GLRA2: variants seen among roughly 807,000 people sequenced by gnomAD.
The protein encoded by GLRA2 is glycine receptor alpha 2.
Under a neutral mutation model 31.6 loss-of-function variants are expected in GLRA2, and 11 were observed. The observed-to-expected ratio is 0.35, with a 90% CI of 0.22 to 0.58. The LOEUF (loss-of-function observed/expected upper bound fraction) is 0.58, where lower values mean the gene tolerates loss of function less well. Ranked by LOEUF, GLRA2 falls within the 20% of genes least tolerant of loss-of-function variation. GLRA2 has a pLI of 0.84. For synonymous variants in GLRA2, 132 were observed against 134.0 expected, an observed-to-expected ratio of 0.99 and a Z score of 0.10; for missense variants, 212 against 351.8, an observed-to-expected ratio of 0.60 and a Z score of 3.18.
At chrX:14,526,902 C>T (rs2089189406), upstream of GLRA2, among the ~76,000 whole-genome samples, 1 of 111,212 alleles carries the variant, frequency 9.0e-6, no homozygotes, top group Admixed American at 9.6e-5. Flanking sequence ...GGAAATCCAA[C>T]TTTTATAGGC....
At chrX:14,726,855 C>A (rs996676830) in intron 8 of GLRA2, among the ~76,000 whole-genome samples, 15 of 112,115 alleles carry the variant, frequency 1.3e-4, no homozygotes, top group Admixed American at 2.8e-4. Context: ...CTTTCTATTT[C>A]TTTAGGGGCT....
chrX:14,548,218 C>T (rs762105305), intron 2 of GLRA2, among the ~76,000 whole-genome samples: 17 of 111,317 alleles, frequency 1.5e-4, no homozygotes, highest in Non-Finnish European at 2.6e-4. Flanking sequence ...CTTGGACAAA[C>T]ACTACCTTTC....
upstream of GLRA2, among the ~76,000 whole-genome samples, chrX:14,525,501 C>A (rs763875327): frequency 9.0e-6 from 1 of 111,311 alleles, no homozygotes; most frequent in African/African-American, 3.3e-5. Flanking sequence ...TCTGATTTCA[C>A]GTGATTTTCA....
chrX:14,717,051 T>TGACG (rs2091797666), intron 8 of GLRA2, among the ~76,000 whole-genome samples: 1 of 111,472 alleles, frequency 9.0e-6, no homozygotes, highest in South Asian at 3.8e-4. Context: ...ACAACAAATC[T>TGACG]GACGTGTCCA....
chrX:14,725,020 G>T (rs986644360), intron 8 of GLRA2, among the ~76,000 whole-genome samples: 11 of 111,728 alleles, frequency 9.8e-5, no homozygotes, highest in Non-Finnish European at 1.7e-4. Flanking sequence ...TTTGGAATCA[G>T]TTTTAGAATC....
chrX:14,616,470 A>G (rs1244469515), intron 7 of GLRA2, among the ~76,000 whole-genome samples: 1 of 111,408 alleles, frequency 9.0e-6, no homozygotes, highest in Non-Finnish European at 1.9e-5. Context: ...CATCTGGTCA[A>G]CTAAGACCAG....
intron 7 of GLRA2, among the ~76,000 whole-genome samples, chrX:14,611,670 G>A (rs181509230): frequency 2.7e-5 from 3 of 112,244 alleles, no homozygotes; most frequent in African/African-American, 9.7e-5. Flanking sequence ...TAGAGTGAAT[G>A]AGGGAAGATC....
At chrX:14,634,555 A>G (rs767326308) in intron 7 of GLRA2, among the ~76,000 whole-genome samples, 1 of 111,619 alleles carries the variant, frequency 9.0e-6, no homozygotes, top group South Asian at 3.7e-4. Flanking sequence ...CTACTAGACA[A>G]TCTTCACATT....
chrX:14,553,412 T>C (rs2089594669), intron 2 of GLRA2, among the ~76,000 whole-genome samples: 1 of 112,068 alleles, frequency 8.9e-6, no homozygotes, highest in Admixed American at 9.4e-5. Context: ...CTTTTTCTCA[T>C]GCACAATTTG....
the GLRA2 span, among the ~76,000 whole-genome samples, chrX:14,487,402 A>AT: frequency 7.5e-5 from 8 of 107,013 alleles, no homozygotes; most frequent in African/African-American, 2.7e-4. Flanking sequence ...AAAAAAAAAA[A>AT]AAAAAAAAAA....
At chrX:14,559,239 C>T (rs2089691844) in intron 2 of GLRA2, among the ~76,000 whole-genome samples, 1 of 111,115 alleles carries the variant, frequency 9.0e-6, no homozygotes, top group African/African-American at 3.3e-5. Context: ...AGCATGTTTA[C>T]TTCTCTGAAT....
At chrX:14,669,449 T>C (rs1396888804) in intron 7 of GLRA2, among the ~76,000 whole-genome samples, 3 of 111,687 alleles carry the variant, frequency 2.7e-5, no homozygotes, top group East Asian at 2.8e-4. Flanking sequence ...ATTTCACTTC[T>C]TCACTGCCCT....
At chrX:14,673,858 A>G (rs2091117857) in intron 7 of GLRA2, among the ~76,000 whole-genome samples, 1 of 112,255 alleles carries the variant, frequency 8.9e-6, no homozygotes, top group African/African-American at 3.2e-5. Flanking sequence ...CAGTATGTCC[A>G]TGGCTGCAGG....
chrX:14,728,236 AC>A (rs905602362), intron 8 of GLRA2, among the ~76,000 whole-genome samples: 8 of 110,283 alleles, frequency 7.3e-5, no homozygotes, highest in Admixed American at 6.8e-4. Flanking sequence ...AAAAAGTTAA[AC>A]AAAAAATTAG....
intron 7 of GLRA2, among the ~76,000 whole-genome samples, chrX:14,638,225 G>T (rs959745563): frequency 1.2e-4 from 13 of 111,420 alleles, no homozygotes; most frequent in African/African-American, 4.2e-4. Flanking sequence ...TTTTTGGGGA[G>T]GGTGGTGGTG....
the GLRA2 span, among the ~76,000 whole-genome samples, chrX:14,450,766 C>T: frequency 6.3e-5 from 7 of 111,488 alleles, no homozygotes; most frequent in Non-Finnish European, 1.1e-4. Context: ...AATGCAGTGG[C>T]ATGGTCTTGA....
At chrX:14,695,337 A>C (rs2091430036) in intron 8 of GLRA2, among the ~76,000 whole-genome samples, 1 of 111,755 alleles carries the variant, frequency 8.9e-6, no homozygotes, top group Admixed American at 9.5e-5. Flanking sequence ...TCATGGGGGG[A>C]TATATTTTTT....
the GLRA2 span, among the ~76,000 whole-genome samples, chrX:14,503,812 C>T: frequency 8.9e-6 from 1 of 111,745 alleles, no homozygotes; most frequent in African/African-American, 3.3e-5. Context: ...TATCCCTGAC[C>T]AATCAGATCA....
chrX:14,723,596 G>C (rs1431896035), intron 8 of GLRA2, among the ~76,000 whole-genome samples: 1 of 111,663 alleles, frequency 9.0e-6, no homozygotes. Flanking sequence ...CTGGTTTACA[G>C]GGCCCTATAT....
Sources: gnomAD v4.1 joint callset for allele counts (sites outside exome capture counted in the v4.1 genomes callset) on GRCh38, gnomAD v4.1.1 for gene constraint, MANE v1.5 for transcripts, NCBI Gene and HGNC (gene_info 2026-07-23, HGNC 2026-07-21) for gene names.